The following MCTP2 variants were observed in gnomAD, a reference collection of about 807,000 sequenced individuals.
MCTP2 encodes multiple C2 and transmembrane domain containing 2.
In MCTP2, 132 loss-of-function variants were observed where a neutral mutation model predicts 111.6. The ratio of observed to expected loss-of-function variants is 1.18; its 90% CI spans 1.03 to 1.37. The LOEUF is 1.37. Ranked by LOEUF, MCTP2 falls within the 40% of genes most tolerant of loss-of-function variation. The pLI, the probability that MCTP2 is intolerant of heterozygous loss-of-function variation, is 0.00. For synonymous variants in MCTP2, 395 were observed against 387.7 expected (o/e 1.02, Z -0.22); for missense variants, 1,183 against 1,067.9 (o/e 1.11, Z -1.50).
At chr15:94,330,883 C>T (rs2077103321) in intron 4 of MCTP2, among the ~76,000 whole-genome samples, 1 of 151,712 alleles carries the variant, frequency 6.6e-6, no homozygotes. Flanking sequence ...AAAAGCTGCG[C>T]ACCACCATGA....
chr15:94,261,341 T>C (rs1167563858), intron 1 of MCTP2, among the ~76,000 whole-genome samples: 1 of 152,150 alleles, frequency 6.6e-6, no homozygotes, highest in Non-Finnish European at 1.5e-5. Context: ...CTGAGACACT[T>C]TTTGGGTTCA....
chr15:94,261,142 C>T (rs918335649), intron 1 of MCTP2, among the ~76,000 whole-genome samples: 5 of 152,140 alleles, frequency 3.3e-5, no homozygotes, highest in Admixed American at 1.3e-4. Context: ...AGTTGTCCCA[C>T]CTTTCTGGAC....
At chr15:94,378,695 C>T (rs2079921466) in intron 12 of MCTP2, among the ~76,000 whole-genome samples, 2 of 152,100 alleles carry the variant, frequency 1.3e-5, no homozygotes, top group Non-Finnish European at 2.9e-5. Context: ...CCTGTCTGCC[C>T]CTTGTTCTAG....
At chr15:94,278,275 G>A (rs564262782) in intron 1 of MCTP2, 1 of 152,204 alleles carries the variant, frequency 6.6e-6, no homozygotes, top group East Asian at 1.9e-4. Context: ...TAAACCTATA[G>A]CAATTAATTA....
chr15:94,330,882 G>A lies in MCTP2; in HGVS notation c.638-8408G>A, dbSNP rs749056510. Reference sequence around the variant, plus strand: ...CCCAAGTAGCTGGGACAAAAGCTGCGCACCACCATGACTGGCTAATTTCTG... The same window carrying A: ...CCCAAGTAGCTGGGACAAAAGCTGCACACCACCATGACTGGCTAATTTCTG... On this transcript the variant is annotated intron_variant, in intron 4 of 22. Transcript: ENST00000357742. Among the ~76,000 whole-genome samples the A allele has an allele frequency of 3.6e-4, 54 of 151,422 alleles. 1 individual carries two copies. Among genetic ancestry groups the A allele is most frequent in the African/African-American group, 1.2e-3 (50 of 40,842 alleles).
At chr15:94,258,655 A>G (rs554029270) in intron 1 of MCTP2, among the ~76,000 whole-genome samples, 11 of 152,222 alleles carry the variant, frequency 7.2e-5, no homozygotes, top group African/African-American at 2.4e-4. Context: ...ACTAAAAACC[A>G]AAAAACCAAA....
At chr15:94,427,249 T>C (rs751114477) in intron 17 of MCTP2, among the ~76,000 whole-genome samples, 9 of 152,182 alleles carry the variant, frequency 5.9e-5, no homozygotes, top group Non-Finnish European at 1.2e-4. Flanking sequence ...GTTAGTACTT[T>C]GTACTCTGTT....
At chr15:94,418,261 G>GC (rs746641706) in intron 17 of MCTP2, among the ~76,000 whole-genome samples, 1 of 152,088 alleles carries the variant, frequency 6.6e-6, no homozygotes, top group South Asian at 2.1e-4. Context: ...CCCATGGAGG[G>GC]CCCCACAGTG....
chr15:94,333,913 GAAGT>G (rs1226449949), intron 4 of MCTP2, among the ~76,000 whole-genome samples: 3 of 152,264 alleles, frequency 2.0e-5, no homozygotes, highest in South Asian at 2.1e-4. Context: ...ATCCCTGCGA[GAAGT>G]AAGTAAGATA....
chr15:94,306,937 C>T (rs771261440), intron 2 of MCTP2, among the ~76,000 whole-genome samples: 6 of 152,072 alleles, frequency 3.9e-5, no homozygotes, highest in Non-Finnish European at 8.8e-5. Flanking sequence ...TAAACAAGTG[C>T]GTCAGTTTCT....
At chr15:94,353,811 T>C (rs1044258125) in intron 8 of MCTP2, among the ~76,000 whole-genome samples, 139 of 152,298 alleles carry the variant, frequency 9.1e-4, no homozygotes, top group African/African-American at 3.3e-3. Flanking sequence ...GGTAGAAGTT[T>C]TTAGCCCATG....
intron 12 of MCTP2, among the ~76,000 whole-genome samples, chr15:94,378,100 T>G (rs2079880605): frequency 1.3e-5 from 2 of 152,164 alleles, no homozygotes; most frequent in African/African-American, 4.8e-5. Flanking sequence ...AACAAAAGTT[T>G]ATTCTGGCAG....
intron 2 of MCTP2, among the ~76,000 whole-genome samples, chr15:94,310,820 A>G (rs1452312305): frequency 6.6e-6 from 1 of 151,816 alleles, no homozygotes; most frequent in Non-Finnish European, 1.5e-5. Context: ...TGCACTTGTA[A>G]TCTCAGCTAC....
At chr15:94,460,552 A>G (rs2085125246) in intron 20 of MCTP2, among the ~76,000 whole-genome samples, 1 of 152,154 alleles carries the variant, frequency 6.6e-6, no homozygotes. Context: ...CCAGGAAGGA[A>G]GATCATGTTG....
intron 17 of MCTP2, among the ~76,000 whole-genome samples, chr15:94,432,265 C>T (rs1325560255): frequency 1.3e-5 from 2 of 152,084 alleles, no homozygotes; most frequent in African/African-American, 4.8e-5. Context: ...ATGGGTAACA[C>T]AACAGAAAGC....
At chr15:94,315,728 C>A in intron 4 of MCTP2, 91 bp downstream of exon 4, 1 of 919,874 alleles carries the variant, frequency 1.1e-6, no homozygotes, top group Admixed American at 2.0e-5. Flanking sequence ...TTTGACATCA[C>A]AGCATGGTTT....
At chr15:94,435,002 T>C (rs937414776) in intron 17 of MCTP2, among the ~76,000 whole-genome samples, 14 of 152,120 alleles carry the variant, frequency 9.2e-5, no homozygotes, top group African/African-American at 3.4e-4. Context: ...TAGCTGGGAT[T>C]ACAGGCACAT....
At chr15:94,403,658 G>A (rs1312606064) in intron 17 of MCTP2, among the ~76,000 whole-genome samples, 4 of 152,208 alleles carry the variant, frequency 2.6e-5, no homozygotes, top group Non-Finnish European at 5.9e-5. Context: ...GTCTAATAGA[G>A]GGGACTTCTA....
chr15:94,300,513 A>AC (rs1321701978), intron 2 of MCTP2, among the ~76,000 whole-genome samples: 1 of 151,174 alleles, frequency 6.6e-6, no homozygotes, highest in Admixed American at 6.6e-5. Context: ...CTGTCTCAAA[A>AC]AAAAAAAAAA....
Sources: allele counts gnomAD v4.1 joint callset (sites outside exome capture counted in the v4.1 genomes callset), GRCh38; gene constraint gnomAD v4.1.1; transcripts MANE v1.5; gene names NCBI Gene and HGNC (gene_info 2026-07-23, HGNC 2026-07-21).